The following PTPRK variants were observed in gnomAD, a reference collection of about 807,000 sequenced individuals.
The protein encoded by PTPRK is receptor-type tyrosine-protein phosphatase kappa.
In PTPRK, 75 loss-of-function variants were observed where a neutral mutation model predicts 178.0. That is an observed-to-expected ratio of 0.42 (90% CI 0.35 to 0.51). PTPRK has a LOEUF of 0.51. Ranked by LOEUF, PTPRK falls within the 20% of genes least tolerant of loss-of-function variation. PTPRK has a pLI of 0.02. For synonymous variants in PTPRK, 637 were observed against 620.6 expected (o/e 1.03, Z -0.39); for missense variants, 1,441 against 1,797.8 (o/e 0.80, Z 3.59).
intron 1 of PTPRK, among the ~76,000 whole-genome samples, chr6:128,405,050 A>G (rs1222929316): frequency 6.6e-6 from 1 of 152,186 alleles, no homozygotes; most frequent in East Asian, 1.9e-4. Context: ...ACATGTGGTA[A>G]ACTTTGAACC....
At chr6:128,332,258 T>C (rs1323647399) in intron 2 of PTPRK, among the ~76,000 whole-genome samples, 1 of 152,216 alleles carries the variant, frequency 6.6e-6, no homozygotes, top group Non-Finnish European at 1.5e-5. Flanking sequence ...CATAAATAGT[T>C]AAAAGGATTA....
In PTPRK at chr6:128,224,912, T is replaced by C. The variant is rs533207006; in HGVS notation, c.694-5816A>G. On this transcript the variant is annotated intron_variant, in intron 5 of 29. Coordinates refer to ENST00000368226, the MANE Select transcript of PTPRK (RefSeq NM_002844.4). ...CAGGCAGAGAGACAGAGGAAGTTAC[T>C]TATCAAATCTCTGAAATGACACCAA... Among the ~76,000 whole-genome samples, 9 of 152,320 alleles carry C rather than the reference T, an allele frequency of 5.9e-5. No homozygotes were observed. The East Asian group carries it at 1.7e-3, about 29-fold the overall frequency.
At chr6:128,298,310 A>G (rs1470031233) in intron 3 of PTPRK, among the ~76,000 whole-genome samples, 3 of 152,002 alleles carry the variant, frequency 2.0e-5, no homozygotes, top group Non-Finnish European at 4.4e-5. Flanking sequence ...ACAAGGAGGA[A>G]CTGGTACCAT....
chr6:128,088,959 G>A (rs1786433585), intron 8 of PTPRK, among the ~76,000 whole-genome samples: 1 of 152,062 alleles, frequency 6.6e-6, no homozygotes, highest in African/African-American at 2.4e-5. Flanking sequence ...AGTATAAACA[G>A]TGTTGTTTCC....
At chr6:128,295,539 T>C (rs909370859) in intron 3 of PTPRK, among the ~76,000 whole-genome samples, 5 of 152,100 alleles carry the variant, frequency 3.3e-5, no homozygotes, top group African/African-American at 9.7e-5. Context: ...TGCAGCAATG[T>C]CATTTAAGTG....
chr6:128,038,617 C>T (rs1776627411), intron 13 of PTPRK, among the ~76,000 whole-genome samples: 1 of 152,166 alleles, frequency 6.6e-6, no homozygotes, highest in Non-Finnish European at 1.5e-5. Flanking sequence ...TTAGAATCTA[C>T]TGCAGCTCAG....
rs576606945 is a variant in PTPRK at position 128,298,284 on chromosome 6, G to T, written c.495+23755C>A. Among the ~76,000 whole-genome samples the T allele has an allele frequency of 9.1e-4, 138 of 152,082 alleles. 1 individual carries two copies. Among genetic ancestry groups the T allele is most frequent in the African/African-American group, 3.0e-3 (126 of 41,422 alleles). On this transcript the variant is annotated intron_variant, in intron 3 of 29. Coordinates refer to ENST00000368226, the MANE Select transcript of PTPRK (RefSeq NM_002844.4). The stretch of plus-strand genomic sequence containing the variant: ...TCCAGGACCAGATGGATTCACAGCC[G>T]AATTCTACCAAAGGTACAAGGAGGA...
Position 128,322,278 on chromosome 6 carries a change from C to T in PTPRK, c.256G>A (p.Asp86Asn), listed in dbSNP as rs1323042656. 1.9e-6 allele frequency: 3 copies of T among 1,602,804 alleles called. No homozygotes were observed. The highest frequency in any genetic ancestry group is 1.3e-5 in the African/African-American group (1 of 74,674). The change falls in exon 3 of 30, where the codon GAC (aspartate) becomes AAC (asparagine). Residue 86 changes from aspartate to asparagine, a missense_variant. Asp to Asn is a conservative substitution (Grantham distance 23). This residue lies in a region of PTPRK where 158 missense variants were observed against 188.0 expected (regional missense o/e 0.84). Transcript: ENST00000368226. ...TGAAGTCTGGCTTTTTCTCCAGGGTCGTGATCTGAAGAGTCCACTATCATA... is the reference window on the plus strand; with the variant it reads ...TGAAGTCTGGCTTTTTCTCCAGGGTTGTGATCTGAAGAGTCCACTATCATA... ...SYMIVDSSDH[D>N]PGEKARLQLP...
chr6:128,123,787 C>T (rs932777282), intron 7 of PTPRK, among the ~76,000 whole-genome samples: 3 of 152,010 alleles, frequency 2.0e-5, no homozygotes, highest in African/African-American at 4.8e-5. Context: ...AGTTTTAATA[C>T]GAAATAGTCA....
intron 4 of PTPRK, chr6:128,241,256 G>A (rs745962641): frequency 1.9e-5 from 10 of 533,336 alleles, no homozygotes; most frequent in South Asian, 4.2e-5. Context: ...AGGAATTCTT[G>A]AGTTAGAACA....
intron 1 of PTPRK, among the ~76,000 whole-genome samples, chr6:128,437,743 C>T (rs1018613381): frequency 6.6e-5 from 10 of 151,826 alleles, no homozygotes; most frequent in African/African-American, 2.4e-4. Flanking sequence ...GAAGGCAGAC[C>T]CAAAATAGCA....
intron 7 of PTPRK, among the ~76,000 whole-genome samples, chr6:128,136,073 C>T (rs367708293): frequency 3.3e-5 from 5 of 151,944 alleles, no homozygotes; most frequent in African/African-American, 1.2e-4. Context: ...TCTGGTGTCC[C>T]ATAAGAAGAG....
At chr6:128,184,815 A>C (rs1802492320) in intron 6 of PTPRK, 90 bp from the exon 7 acceptor site, 4 of 1,233,108 alleles carry the variant, frequency 3.2e-6, no homozygotes, top group Non-Finnish European at 4.4e-6. Context: ...TGCTTAATGG[A>C]TCATTTATTA....
At chr6:127,976,301 T>C (rs1774586213) in intron 27 of PTPRK, among the ~76,000 whole-genome samples, 1 of 152,000 alleles carries the variant, frequency 6.6e-6, no homozygotes, top group Non-Finnish European at 1.5e-5. Context: ...ATTTTTTTTA[T>C]CACATGCCAT....
chr6:128,056,936 C>G (rs1780005551), intron 13 of PTPRK, among the ~76,000 whole-genome samples: 1 of 152,134 alleles, frequency 6.6e-6, no homozygotes, highest in African/African-American at 2.4e-5. Flanking sequence ...AATGAGCTGT[C>G]ATTTCTTAGA....
intron 4 of PTPRK, 78 bp downstream of exon 4, chr6:128,242,443 A>C: frequency 3.2e-6 from 5 of 1,545,480 alleles, no homozygotes; most frequent in Non-Finnish European, 4.3e-6. Context: ...ACCAAGTGAT[A>C]AACAATCAAT....
At chr6:128,060,826 T>A (rs928731817) in intron 13 of PTPRK, among the ~76,000 whole-genome samples, 9 of 151,646 alleles carry the variant, frequency 5.9e-5, no homozygotes, top group Non-Finnish European at 1.2e-4. Context: ...GAAATATATA[T>A]CACAATATAA....
chr6:127,996,503 G>A (rs776823017), intron 17 of PTPRK, among the ~76,000 whole-genome samples: 8 of 152,172 alleles, frequency 5.3e-5, no homozygotes, highest in Middle Eastern at 3.4e-3. Context: ...ACAGAGTCTC[G>A]CTTTGTCGCC....
intron 7 of PTPRK, among the ~76,000 whole-genome samples, chr6:128,161,540 A>C (rs542236756): frequency 1.5e-3 from 226 of 151,776 alleles, no homozygotes; most frequent in Non-Finnish European, 2.8e-3. Context: ...ACAACCATTC[A>C]AACTTGTTTA....
Sources: gnomAD v4.1 joint callset for allele counts (sites outside exome capture counted in the v4.1 genomes callset) on GRCh38, gnomAD v4.1.1 for gene constraint, gnomAD v4.1.1 regional missense constraint, MANE v1.5 for transcripts, NCBI Gene and HGNC (gene_info 2026-07-23, HGNC 2026-07-21) for gene names.